Variants in CDH18 observed in about 807,000 individuals in gnomAD.
CDH18 encodes the protein cadherin-18.
A neutral mutation model predicts 67.9 loss-of-function variants in CDH18; 31 were observed. The ratio of observed to expected loss-of-function variants is 0.46; its 90% CI spans 0.34 to 0.62. The LOEUF is 0.62. Ranked by LOEUF, CDH18 falls within the 20% of genes least tolerant of loss-of-function variation. The pLI is 0.01. For synonymous variants in CDH18, 362 were observed against 347.2 expected (o/e 1.04, Z -0.48); for missense variants, 890 against 975.5 (o/e 0.91, Z 1.17).
intron 5 of CDH18, among the ~76,000 whole-genome samples, chr5:19,690,126 C>T (rs1026629588): frequency 1.3e-5 from 2 of 150,986 alleles, no homozygotes; most frequent in African/African-American, 4.8e-5. Context: ...TGTAATAAAA[C>T]TACTAGCTGG....
At chr5:20,530,930 T>G (rs1471785042) in intron 1 of CDH18, among the ~76,000 whole-genome samples, 1 of 152,040 alleles carries the variant, frequency 6.6e-6, no homozygotes, top group Non-Finnish European at 1.5e-5. Context: ...CAAAAGAAAC[T>G]GTCATTAGAG....
chr5:20,072,004 G>C (rs565696964), intron 2 of CDH18, among the ~76,000 whole-genome samples: 1 of 151,974 alleles, frequency 6.6e-6, no homozygotes, highest in Non-Finnish European at 1.5e-5. Flanking sequence ...TATATATCTC[G>C]TTATTACTAA....
intron 1 of CDH18, among the ~76,000 whole-genome samples, chr5:20,387,330 C>T (rs541733478): frequency 9.2e-5 from 14 of 152,018 alleles, no homozygotes; most frequent in Non-Finnish European, 1.5e-4. Context: ...TTTGAAGCAA[C>T]TGTGAATGGG....
intron 2 of CDH18, among the ~76,000 whole-genome samples, chr5:19,994,775 A>G (rs1735821705): frequency 9.6e-6 from 1 of 104,474 alleles, no homozygotes; most frequent in African/African-American, 3.9e-5. Context: ...AGAGAGAGAG[A>G]GAGAGAGAGA....
In CDH18 at chr5:20,296,967, CTG is replaced by C. The variant is rs537593693; in HGVS notation, c.-579-41464_-579-41463del. Among the ~76,000 whole-genome samples the C allele has an allele frequency of 2.8e-3, 432 of 151,876 alleles. 4 individuals carry two copies. The highest frequency in any genetic ancestry group is 3.5e-3 in the Middle Eastern group (1 of 282). On this transcript the variant is annotated intron_variant, in intron 1 of 14. Coordinates refer to the CDH18 transcript ENST00000507958. ...TAAATAAGTACTTAATTATTATTAA[CTG>C]TAAATTTATTTTATATTTATTCTGA...
intron 3 of CDH18, among the ~76,000 whole-genome samples, chr5:19,832,606 C>T (rs1397986910): frequency 6.6e-6 from 1 of 152,052 alleles, no homozygotes; most frequent in East Asian, 1.9e-4. Context: ...TTAGCACACG[C>T]CTATGTCCTA....
chr5:19,866,866 C>T (rs180690604), intron 2 of CDH18, among the ~76,000 whole-genome samples: 2,432 of 152,120 alleles, frequency 0.016, 42 homozygotes, highest in Non-Finnish European at 0.026. Flanking sequence ...CCGAAGCAGG[C>T]GGATCACAAG....
intron 1 of CDH18, among the ~76,000 whole-genome samples, chr5:20,491,052 C>T (rs1753554840): frequency 6.6e-6 from 1 of 152,020 alleles, no homozygotes; most frequent in African/African-American, 2.4e-5. Flanking sequence ...AGTTTAAATA[C>T]ATATGCAATT....
intron 5 of CDH18, among the ~76,000 whole-genome samples, chr5:19,667,673 G>T (rs1242079092): frequency 2.0e-5 from 3 of 151,360 alleles, no homozygotes; most frequent in Non-Finnish European, 4.4e-5. Context: ...TTACACAAAT[G>T]TTTATTCTAT....
At chr5:19,562,001 TTCTG>T (rs1739546011) in intron 8 of CDH18, among the ~76,000 whole-genome samples, 1 of 152,184 alleles carries the variant, frequency 6.6e-6, no homozygotes, top group Non-Finnish European at 1.5e-5. Flanking sequence ...AGAATTTGCT[TTCTG>T]TCTGTCTCTA....
chr5:20,473,271 C>T (rs1323755756), intron 1 of CDH18, among the ~76,000 whole-genome samples: 2 of 152,044 alleles, frequency 1.3e-5, no homozygotes, highest in Non-Finnish European at 2.9e-5. Context: ...AAAAGTTACT[C>T]GTGCTCAGTA....
intron 3 of CDH18, among the ~76,000 whole-genome samples, chr5:19,789,215 T>A (rs146756016): frequency 6.6e-6 from 1 of 152,334 alleles, no homozygotes; most frequent in African/African-American, 2.4e-5. Flanking sequence ...GACTGTTTTC[T>A]TTGTAAGTTG....
intron 2 of CDH18, among the ~76,000 whole-genome samples, chr5:20,048,451 C>T (rs1741101450): frequency 6.6e-6 from 1 of 151,724 alleles, no homozygotes; most frequent in South Asian, 2.1e-4. Flanking sequence ...TACTACATCT[C>T]TACCTTTTCA....
intron 1 of CDH18, among the ~76,000 whole-genome samples, chr5:20,504,917 G>A (rs543976958): frequency 3.1e-4 from 47 of 151,734 alleles, no homozygotes; most frequent in Non-Finnish European, 5.6e-4. Context: ...ACAGGCACCC[G>A]CCACCACGCC....
At chr5:20,131,758 C>T (rs1233183451) in intron 2 of CDH18, among the ~76,000 whole-genome samples, 20 of 152,116 alleles carry the variant, frequency 1.3e-4, no homozygotes, top group Non-Finnish European at 1.0e-4. Flanking sequence ...TGTATAACTA[C>T]ACCACTTTAA....
chr5:20,226,887 C>T (rs888789582), intron 2 of CDH18, among the ~76,000 whole-genome samples: 1 of 151,910 alleles, frequency 6.6e-6, no homozygotes, highest in Non-Finnish European at 1.5e-5. Context: ...TCCTTAATAG[C>T]CTCTAAGAGC....
At chr5:19,570,595 T>C (rs1211597857) in intron 8 of CDH18, among the ~76,000 whole-genome samples, 2 of 152,148 alleles carry the variant, frequency 1.3e-5, no homozygotes, top group African/African-American at 2.4e-5. Context: ...TGGTAAAAAT[T>C]AGAAAGATTA....
chr5:19,953,385 C>T (rs1328930140), intron 2 of CDH18, among the ~76,000 whole-genome samples: 1 of 151,950 alleles, frequency 6.6e-6, no homozygotes, highest in African/African-American at 2.4e-5. Flanking sequence ...TATTGTCTCT[C>T]TATTGGTTTC....
intron 7 of CDH18, among the ~76,000 whole-genome samples, 190 bp downstream of exon 7, chr5:19,590,867 C>T (rs776707292): frequency 6.6e-6 from 1 of 152,018 alleles, no homozygotes; most frequent in African/African-American, 2.4e-5. Context: ...CCCACCGCAG[C>T]AAAACATATT....
Sources: allele counts gnomAD v4.1 joint callset (sites outside exome capture counted in the v4.1 genomes callset), GRCh38; gene constraint gnomAD v4.1.1; transcripts MANE v1.5; gene names NCBI Gene and HGNC (gene_info 2026-07-23, HGNC 2026-07-21).